The following HIVEP2 variants were observed in gnomAD, a reference collection of about 807,000 sequenced individuals.
HIVEP2 encodes HIVEP zinc finger 2.
A neutral mutation model predicts 180.7 loss-of-function variants in HIVEP2; 14 were observed. The observed-to-expected ratio is 0.08, with a 90% CI of 0.05 to 0.12. The LOEUF (loss-of-function observed/expected upper bound fraction) is 0.12, where lower values mean the gene tolerates loss of function less well. Among genes scored for constraint, HIVEP2 ranks in the 10% least tolerant of loss-of-function variants. The pLI is 1.00. For missense variants in HIVEP2, 2,579 were observed against 3,008.5 expected (o/e 0.86, Z 3.34); for synonymous variants, 1,184 against 1,136.4 (o/e 1.04, Z -0.84).
At chr6:142,805,447 A>G (rs1776524183) in intron 2 of HIVEP2, among the ~76,000 whole-genome samples, 1 of 143,266 alleles carries the variant, frequency 7.0e-6, no homozygotes, top group African/African-American at 2.5e-5. Context: ...CCCTATCCCA[A>G]CTTGGGAACC....
At chr6:142,860,975 G>T (rs952963693) in intron 1 of HIVEP2, among the ~76,000 whole-genome samples, 3 of 152,170 alleles carry the variant, frequency 2.0e-5, no homozygotes, top group African/African-American at 7.2e-5. Context: ...AAAAGAAAGA[G>T]AAGTTAAGTC....
rs745435449 is a variant in HIVEP2, at chr6:142,770,060, G to C, written c.4679C>G (p.Ser1560Cys). ...PLPGQKSSGP[S>C]ESKESSDELD... ...TTCATCTGAAGATTCTTTGCTTTCA[G>C]AAGGCCCACTGGACTTCTGCCCCGG... is the stretch of plus-strand genomic sequence containing the variant. The change falls in exon 5 of 10, where the codon TCT becomes TGT. Residue 1560 changes from serine (S) to cysteine (C), a missense_variant. Physicochemically the swap from Ser to Cys is moderately radical, Grantham distance 112. This residue lies in a region of HIVEP2 where 349 missense variants were observed against 367.2 expected (regional missense o/e 0.95). Coordinates refer to ENST00000367603, the MANE Select transcript of HIVEP2 (RefSeq NM_006734.4). This position sits in a 1 kb window ranked among gnomAD's most constrained non-coding sequence, Gnocchi z 4.7. 1 of 1,614,202 alleles carries C rather than the reference G, an allele frequency of 6.2e-7. No homozygotes were observed.
intron 1 of HIVEP2, among the ~76,000 whole-genome samples, chr6:142,927,655 C>A (rs942580775): frequency 6.6e-6 from 1 of 152,182 alleles, no homozygotes; most frequent in African/African-American, 2.4e-5. Context: ...ATCTTTCAAT[C>A]TTATACTTAT....
In HIVEP2 at chr6:142,827,733, T is replaced by C. The variant is rs1774952102; in HGVS notation, c.-528+9202A>G. ...GGAGGAGGAAAGCTGGTAGTAAGTG[T>C]GGAGATCTTTTAATTGCAAGAAAAT... On this transcript the variant is annotated intron_variant, in intron 2 of 9. Coordinates refer to ENST00000367603, the MANE Select transcript of HIVEP2 (RefSeq NM_006734.4). Among the ~76,000 whole-genome samples, 2 of 152,186 alleles carry C rather than the reference T, an allele frequency of 1.3e-5. 1 individual carries two copies. Among genetic ancestry groups the C allele is most frequent in the South Asian group, 4.1e-4 (2 of 4,830 alleles).
intron 1 of HIVEP2, among the ~76,000 whole-genome samples, chr6:142,930,705 A>G (rs1777923770): frequency 2.0e-5 from 3 of 152,182 alleles, no homozygotes; most frequent in South Asian, 2.1e-4. Flanking sequence ...TTCAGCCTCC[A>G]TCTATATTAA....
chr6:142,827,816 T>C (rs1774953986), intron 2 of HIVEP2, among the ~76,000 whole-genome samples: 1 of 152,192 alleles, frequency 6.6e-6, no homozygotes, highest in Admixed American at 6.5e-5. Flanking sequence ...TTCACAGGAC[T>C]AGCACATTCT....
intron 2 of HIVEP2, among the ~76,000 whole-genome samples, chr6:142,784,198 C>T (rs1582855629): frequency 6.6e-6 from 1 of 152,102 alleles, no homozygotes; most frequent in African/African-American, 2.4e-5. Context: ...GATCAAACTA[C>T]CTAATCTGAA....
chr6:142,858,191 T>C (rs1267873971), intron 1 of HIVEP2, among the ~76,000 whole-genome samples: 3 of 152,218 alleles, frequency 2.0e-5, no homozygotes, highest in African/African-American at 7.2e-5. Context: ...TTTCTCTTCC[T>C]CACTTTGACA....
At position 142,753,275 on chromosome 6, in the gene HIVEP2, A is replaced by G. The variant is rs760526236; in HGVS notation, c.7173T>C (p.Asp2391=). Residue 2391 remains aspartate (D), a synonymous_variant, in exon 10 of 10, where the codon GAT becomes GAC. Transcript: ENST00000367603. ...ATGTACCAAAATTGTCCTTTTCACCATCATGCAAGTCAGGGTGGGTGGCTG... is the reference window on the plus strand; with the variant it reads ...ATGTACCAAAATTGTCCTTTTCACCGTCATGCAAGTCAGGGTGGGTGGCTG... ...CTSATHPDLH[D]GEKDNFGTSQ... 1.9e-5 allele frequency: 30 copies of G among 1,614,066 alleles called. No individual in the cohort carries two copies. The South Asian group carries it at 3.1e-4, about 17-fold the overall frequency.
chr6:142,876,425 G>A (rs1426745986), intron 1 of HIVEP2, among the ~76,000 whole-genome samples: 2 of 152,090 alleles, frequency 1.3e-5, no homozygotes, highest in African/African-American at 4.8e-5. Context: ...TGCTAAAAGA[G>A]AGTTATTGTA....
intron 1 of HIVEP2, among the ~76,000 whole-genome samples, chr6:142,896,263 TCCAGCAGTTCA>T (rs1776990415): frequency 6.6e-6 from 1 of 152,166 alleles, no homozygotes; most frequent in Non-Finnish European, 1.5e-5. Flanking sequence ...GTTCCTCAAT[TCCAGCAGTTCA>T]CCATCTTCCT....
Position 142,772,042 on chromosome 6 carries a change from T to C in HIVEP2, c.2697A>G (p.Lys899=), listed in dbSNP as rs1287614844. ...PEIRVTEEPD[K]PEKEKEAQSK... Reference sequence around the variant, plus strand: ...TCTGGGCTTCCTTCTCCTTCTCAGGTTTATCAGGCTCCTCGGTCACTCGAA... The same window carrying C: ...TCTGGGCTTCCTTCTCCTTCTCAGGCTTATCAGGCTCCTCGGTCACTCGAA... The change falls in exon 5 of 10, where the codon AAA becomes AAG. Residue 899 remains lysine (K), a synonymous_variant. Transcript: ENST00000367603. This position sits in a 1 kb window ranked among gnomAD's most constrained non-coding sequence, Gnocchi z 4.9. The C allele has an allele frequency of 1.9e-6, 3 of 1,613,980 alleles. No individual in the cohort carries two copies. In the East Asian group the frequency reaches 6.7e-5, roughly 36 times the overall value.
intron 2 of HIVEP2, among the ~76,000 whole-genome samples, chr6:142,803,063 T>C (rs1443189906): frequency 6.6e-6 from 1 of 152,202 alleles, no homozygotes; most frequent in Non-Finnish European, 1.5e-5. Context: ...AAAGGCATCA[T>C]ATAAAACTCT....
chr6:142,859,891 A>T (rs2114952299), intron 1 of HIVEP2, among the ~76,000 whole-genome samples: 1 of 151,982 alleles, frequency 6.6e-6, no homozygotes, highest in South Asian at 2.1e-4. Flanking sequence ...AAGAAAAGAA[A>T]ATGATAAAAG....
intron 1 of HIVEP2, among the ~76,000 whole-genome samples, chr6:142,887,767 C>T (rs1254569979): frequency 6.6e-6 from 1 of 152,002 alleles, no homozygotes; most frequent in East Asian, 1.9e-4. Context: ...GCATTGTCTC[C>T]TCCAATGAAG....
At chr6:142,824,800 C>T (rs950494891) in intron 2 of HIVEP2, among the ~76,000 whole-genome samples, 2 of 152,156 alleles carry the variant, frequency 1.3e-5, no homozygotes, top group Non-Finnish European at 2.9e-5. Context: ...TAGCTGAATA[C>T]CAGTGAGTGA....
intron 2 of HIVEP2, among the ~76,000 whole-genome samples, chr6:142,793,699 G>C (rs866566891): frequency 0.028 from 1,946 of 70,340 alleles, 44 homozygotes; most frequent in African/African-American, 0.097. Flanking sequence ...CTCTCTCTCT[G>C]TCTGTCTTTC....
In HIVEP2 at chr6:142,774,978, C is replaced by G; in HGVS notation, c.-240G>C. 7.8e-7 allele frequency: 1 copy of G among 1,274,992 alleles called. No individual in the cohort carries two copies. The highest frequency in any genetic ancestry group is 9.9e-7 in the Non-Finnish European group (1 of 1,011,582). 79.0% of individuals were successfully genotyped at this position (1,274,992 alleles called of 1,614,324 possible). A position where few individuals can be genotyped will look rare whatever the true frequency, so the allele number is the denominator to read the frequency against. ...TCTCTCCATTGTAGAAACGTCCATC[C>G]AAAAGCTAAGTGCAAATCTATAAAG... is the stretch of plus-strand genomic sequence containing the variant. On this transcript the variant is annotated 5_prime_UTR_variant, in exon 5 of 10. Coordinates refer to ENST00000367603, the MANE Select transcript of HIVEP2 (RefSeq NM_006734.4). This position sits in a 1 kb window ranked among gnomAD's most constrained non-coding sequence, Gnocchi z 5.1.
chr6:142,836,908 A>G (rs1775238283), intron 2 of HIVEP2, 27 bp downstream of exon 2: 1 of 152,166 alleles, frequency 6.6e-6, no homozygotes, highest in African/African-American at 2.4e-5. Context: ...AAATCAAACC[A>G]TATAGAAAGC....
Sources: gnomAD v4.1 joint callset for allele counts (sites outside exome capture counted in the v4.1 genomes callset) on GRCh38, gnomAD v4.1.1 for gene constraint, gnomAD v4.1.1 regional missense constraint, Gnocchi (gnomAD v3.1) non-coding constraint, MANE v1.5 for transcripts, NCBI Gene and HGNC (gene_info 2026-07-23, HGNC 2026-07-21) for gene names.